Variants in MARK4 observed in about 807,000 individuals in gnomAD.
MARK4 encodes microtubule affinity regulating kinase 4.
MARK4 carries 19 observed loss-of-function variants against 81.5 expected under a neutral mutation model. That is an observed-to-expected ratio of 0.23 (90% confidence interval 0.16 to 0.34). The LOEUF is 0.34. Ranked by LOEUF, MARK4 falls within the 10% of genes least tolerant of loss-of-function variation. The pLI is 1.00. For synonymous variants in MARK4, 436 were observed against 439.0 expected (o/e 0.99, Z 0.08); for missense variants, 772 against 1,058.8 (o/e 0.73, Z 3.76).
chr19:45,259,058 C>T lies in MARK4; in HGVS notation c.121C>T (p.Arg41Cys), dbSNP rs759575925. The change falls in exon 2 of 17, where the codon CGT becomes TGT. Residue 41 changes from arginine to cysteine, a missense_variant. This residue lies in a region of MARK4 where 115 missense variants were observed against 139.8 expected (regional missense o/e 0.82). Transcript: ENST00000262891. ...CTGGTCCAGCCGCTCACTGGGTGCC[C>T]GTTGCCGGAACTCCATCGCCTCCTG... is the stretch of plus-strand genomic sequence containing the variant. ...PSWSSRSLGARCRNSIASCPE... is the reference protein window; with the variant it reads ...PSWSSRSLGACCRNSIASCPE... The T allele has an allele frequency of 4.3e-6, 7 of 1,613,982 alleles. No individual in the cohort carries two copies. In the East Asian group the frequency reaches 6.7e-5, roughly 15 times the overall value.
At chr19:45,299,331 GGAA>G (rs1568504864) in intron 15 of MARK4, among the ~76,000 whole-genome samples, 1 of 152,182 alleles carries the variant, frequency 6.6e-6, no homozygotes, top group Non-Finnish European at 1.5e-5. Flanking sequence ...GGCCAAGGCA[GGAA>G]GATTGCTTGA....
chr19:45,280,847 CAG>C, intron 12 of MARK4, 113 bp downstream of exon 12: 1 of 1,421,964 alleles, frequency 7.0e-7, no homozygotes, highest in Non-Finnish European at 9.7e-7. Context: ...GAGCTAACCT[CAG>C]AGAGGGAGGA....
Position 45,292,850 on chromosome 19 carries a change from C to T in MARK4, c.1495-1499C>T, listed in dbSNP as rs146137626. On this transcript the variant is annotated intron_variant, in intron 13 of 16. Coordinates refer to ENST00000262891, the MANE Select transcript of MARK4 (RefSeq NM_001199867.2). ...TCACCCCACTGCACTCCAGCCTAGG[C>T]ATCAGAACAAGACCCCATCTCAAAA... Among the ~76,000 whole-genome samples the T allele has an allele frequency of 5.8e-3, 882 of 152,016 alleles. 15 individuals are homozygous for T. The highest frequency in any genetic ancestry group is 0.02 in the African/African-American group (830 of 41,446).
intron 8 of MARK4, among the ~76,000 whole-genome samples, chr19:45,273,781 C>T (rs1207884415): frequency 6.6e-6 from 1 of 152,232 alleles, no homozygotes; most frequent in Non-Finnish European, 1.5e-5. Flanking sequence ...CCGTGAGGAG[C>T]ACGTACTGTG....
intron 7 of MARK4, among the ~76,000 whole-genome samples, chr19:45,270,362 C>T (rs1044909939): frequency 7.9e-5 from 12 of 152,126 alleles, no homozygotes; most frequent in Admixed American, 5.9e-4. Flanking sequence ...TCACGTTATG[C>T]AGACAGACAC....
intron 12 of MARK4, among the ~76,000 whole-genome samples, chr19:45,282,010 G>A (rs1568498414): frequency 6.6e-6 from 1 of 152,030 alleles, no homozygotes; most frequent in Non-Finnish European, 1.5e-5. Context: ...GATCACCTGA[G>A]GTTGGGAGTT....
chr19:45,286,346 G>A (rs368298604), intron 12 of MARK4, among the ~76,000 whole-genome samples: 11 of 151,190 alleles, frequency 7.3e-5, no homozygotes, highest in East Asian at 2.0e-4. Flanking sequence ...GAGCCACCGC[G>A]CCTGGCCCTG....
At position 45,271,135 on chromosome 19, in the gene MARK4, A is replaced by G. The variant is rs1481218644; in HGVS notation, c.550-337A>G. Among the ~76,000 whole-genome samples the G allele has an allele frequency of 6.6e-6, 1 of 152,132 alleles. No homozygotes were observed. The highest frequency in any genetic ancestry group is 2.4e-5 in the African/African-American group (1 of 41,448). On this transcript the variant is annotated intron_variant, in intron 7 of 16. Coordinates refer to ENST00000262891, the MANE Select transcript of MARK4 (RefSeq NM_001199867.2). The surrounding 1 kb of genome is among the most constrained non-coding windows in gnomAD (Gnocchi z 4.1). ...TGGCCAGGCCGATCTTGAACTCCTG[A>G]CCTCAGGTGATCCACCTGCCTTGGC...
In MARK4 at chr19:45,287,702, C is replaced by T. The variant is rs978775814; in HGVS notation, c.1494+38C>T. ...GGCTGGGGGGCAGGGCTGGGGGCGC[C>T]ACCTGGGCCACATTCCTCAGGCCCT... On this transcript the variant is annotated intron_variant, in intron 13 of 16. Transcript: ENST00000262891. 3 of 1,580,976 alleles carry T rather than the reference C, an allele frequency of 1.9e-6. No individual in the cohort carries two copies. The African/African-American group carries it at 4.0e-5, about 21-fold the overall frequency.
At chr19:45,267,147 C>T (rs1300947968) in intron 7 of MARK4, among the ~76,000 whole-genome samples, 1 of 152,160 alleles carries the variant, frequency 6.6e-6, no homozygotes, top group Admixed American at 6.6e-5. Flanking sequence ...CAACCTCCGC[C>T]TCCCGGGTTC....
intron 6 of MARK4, among the ~76,000 whole-genome samples, chr19:45,265,340 G>A (rs1970437660): frequency 6.6e-6 from 1 of 151,722 alleles, no homozygotes; most frequent in African/African-American, 2.4e-5. Context: ...GAGAGTGTAG[G>A]GCACCCCAGG....
In MARK4 at chr19:45,302,170, C is replaced by T. The variant is rs1970983893; in HGVS notation, c.1923-204C>T. On this transcript the variant is annotated intron_variant, in intron 16 of 16. Transcript: ENST00000262891. The surrounding 1 kb of genome is among the most constrained non-coding windows in gnomAD (Gnocchi z 4.9). Reference sequence around the variant, plus strand: ...CCCAGAATTTACAGACAAGGTCACACCTGGTTGCAAGGGAGGCTGGAAAGT... The same window carrying T: ...CCCAGAATTTACAGACAAGGTCACATCTGGTTGCAAGGGAGGCTGGAAAGT... Among the ~76,000 whole-genome samples the T allele has an allele frequency of 6.6e-6, 1 of 152,208 alleles. No individual in the cohort carries two copies. The highest frequency in any genetic ancestry group is 6.5e-5 in the Admixed American group (1 of 15,278).
chr19:45,277,488 C>T (rs1163947165), intron 8 of MARK4, among the ~76,000 whole-genome samples: 1 of 136,936 alleles, frequency 7.3e-6, no homozygotes, highest in African/African-American at 2.8e-5. Flanking sequence ...TGGTCTTGAA[C>T]TCCTGGGTTC....
chr19:45,299,064 TAAAAAAAAAAA>T (rs59720430), intron 15 of MARK4, among the ~76,000 whole-genome samples: 2 of 84,988 alleles, frequency 2.4e-5, no homozygotes, highest in Non-Finnish European at 2.0e-5. Context: ...AACCTGTCTC[TAAAAAAAAAAA>T]AAAAAAAAAA....
At position 45,297,812 on chromosome 19, in the gene MARK4, G is replaced by A. The variant is rs1165074322; in HGVS notation, c.1735G>A (p.Ala579Thr). 3 of 1,545,268 alleles carry A rather than the reference G, an allele frequency of 1.9e-6. No homozygotes were observed. Among genetic ancestry groups the A allele is most frequent in the African/African-American group, 2.7e-5 (2 of 73,462 alleles). Reference protein sequence around the residue: ...FHGGQVRDRRAGGGGGGGVQN... With the variant: ...FHGGQVRDRRTGGGGGGGVQN... Reference sequence around the variant, plus strand: ...TGGTGGCCAGGTCCGGGACCGGCGGGCAGGGGGTGGGGGTGGTGGGGGTGT... The same window carrying A: ...TGGTGGCCAGGTCCGGGACCGGCGGACAGGGGGTGGGGGTGGTGGGGGTGT... The change falls in exon 15 of 17, where the codon GCA becomes ACA. Residue 579 changes from alanine (A) to threonine (T), a missense_variant. Around this residue, in one of 3 missense-constraint regions of MARK4, gnomAD observed 548 missense variants for 624.3 expected, o/e 0.88. Transcript: ENST00000262891.
At chr19:45,300,939 C>G (rs1970962394) in intron 16 of MARK4, among the ~76,000 whole-genome samples, 1 of 152,106 alleles carries the variant, frequency 6.6e-6, no homozygotes, top group African/African-American at 2.4e-5. Flanking sequence ...GGCGGCCCCA[C>G]CGGAACAAGG....
chr19:45,255,974 G>A (rs1277619091), intron 1 of MARK4, among the ~76,000 whole-genome samples: 1 of 152,274 alleles, frequency 6.6e-6, no homozygotes, highest in Non-Finnish European at 1.5e-5. Context: ...AGGCCAGGGA[G>A]GGACAGGACA....
At chr19:45,251,979 G>A (rs1599773763) in intron 1 of MARK4, among the ~76,000 whole-genome samples, 1 of 151,276 alleles carries the variant, frequency 6.6e-6, no homozygotes, top group Admixed American at 6.6e-5. Context: ...CAGGCCGTCC[G>A]CGTCCGACAC....
chr19:45,258,625 G>A (rs1388673178), intron 1 of MARK4, among the ~76,000 whole-genome samples: 3 of 151,944 alleles, frequency 2.0e-5, no homozygotes, highest in Non-Finnish European at 4.4e-5. Flanking sequence ...GCTTGAACCC[G>A]GGAGGCAGAG....
Sources: allele counts gnomAD v4.1 joint callset (sites outside exome capture counted in the v4.1 genomes callset), GRCh38; gene constraint gnomAD v4.1.1; regional missense constraint gnomAD v4.1.1; non-coding constraint Gnocchi (gnomAD v3.1); transcripts MANE v1.5; gene names NCBI Gene and HGNC (gene_info 2026-07-23, HGNC 2026-07-21).